Variants in SLC24A3 observed in about 807,000 individuals in gnomAD.
SLC24A3 encodes solute carrier family 24 member 3.
A neutral mutation model predicts 75.8 loss-of-function variants in SLC24A3; 28 were observed. The observed-to-expected ratio is 0.37, with a 90% confidence interval of 0.27 to 0.51. The LOEUF (loss-of-function observed/expected upper bound fraction) is 0.51. Among genes scored for constraint, SLC24A3 ranks in the 20% least tolerant of loss-of-function variants. The pLI is 0.94. For missense variants in SLC24A3, 663 were observed against 847.8 expected, an observed-to-expected ratio of 0.78 and a Z score of 2.71; for synonymous variants, 372 against 334.1, an observed-to-expected ratio of 1.11 and a Z score of -1.24.
intron 1 of SLC24A3, among the ~76,000 whole-genome samples, chr20:19,235,538 G>A (rs1260394263): frequency 2.0e-5 from 3 of 152,110 alleles, no homozygotes; most frequent in East Asian, 3.8e-4. Flanking sequence ...GGGAAGCTGG[G>A]TCTCTGTACT....
chr20:19,314,910 G>A lies in SLC24A3; in HGVS notation c.271+33823G>A, dbSNP rs6035294. 8.6e-3 allele frequency among the ~76,000 whole-genome samples: 1,315 copies of A among 152,316 alleles called. 11 individuals carry two copies. The highest frequency in any genetic ancestry group is 0.029 in the African/African-American group (1,191 of 41,554). ...GTGATTTACACATGGTGTCTGCAATGCACAGAATTGCAGTATCACCCTGTC... is the reference window on the plus strand; with the variant it reads ...GTGATTTACACATGGTGTCTGCAATACACAGAATTGCAGTATCACCCTGTC... On this transcript the variant is annotated intron_variant, in intron 2 of 16. Coordinates refer to ENST00000328041, the MANE Select transcript of SLC24A3 (RefSeq NM_020689.4).
At chr20:19,618,420 T>C (rs1270960478) in intron 6 of SLC24A3, among the ~76,000 whole-genome samples, 1 of 152,206 alleles carries the variant, frequency 6.6e-6, no homozygotes, top group Non-Finnish European at 1.5e-5. Context: ...GGCTCTTCCC[T>C]CTGTGCATGT....
chr20:19,626,348 C>G (rs2031865920), intron 6 of SLC24A3, among the ~76,000 whole-genome samples: 1 of 152,166 alleles, frequency 6.6e-6, no homozygotes, highest in Non-Finnish European at 1.5e-5. Flanking sequence ...CAAGAATATT[C>G]TTATCATTTT....
intron 2 of SLC24A3, among the ~76,000 whole-genome samples, chr20:19,399,051 T>C (rs1986505982): frequency 6.6e-6 from 1 of 152,182 alleles, no homozygotes. Context: ...ATTTCATCCA[T>C]GTTGTCAAAT....
At chr20:19,698,322 G>GT (rs1169940309) in intron 14 of SLC24A3, among the ~76,000 whole-genome samples, 1 of 152,254 alleles carries the variant, frequency 6.6e-6, no homozygotes, top group East Asian at 1.9e-4. Context: ...ACTGTATTTG[G>GT]TTTTTTGAAT....
rs2032566458 is a variant in SLC24A3 at position 19,678,682 on chromosome 20, CGGA to C, written c.768-3174_768-3172del. ...CCTCCCGGACACGGCGGCTGCCGGGCGGAGACGCTCCTCACTTCCCAGACGGGG... is the reference window on the plus strand; with the variant it reads ...CCTCCCGGACACGGCGGCTGCCGGGCGACGCTCCTCACTTCCCAGACGGGG... On this transcript the variant is annotated intron_variant, in intron 9 of 16. Coordinates refer to ENST00000328041, the MANE Select transcript of SLC24A3 (RefSeq NM_020689.4). Among the ~76,000 whole-genome samples the C allele has an allele frequency of 2.9e-5, 3 of 101,942 alleles. No homozygotes were observed. The South Asian group carries it at 7.6e-4, about 26-fold the overall frequency. 66.9% of individuals were successfully genotyped at this position (101,942 alleles called of 152,430 possible).
At chr20:19,431,535 G>A (rs930734853) in intron 2 of SLC24A3, among the ~76,000 whole-genome samples, 16 of 152,036 alleles carry the variant, frequency 1.1e-4, no homozygotes, top group African/African-American at 3.9e-4. Context: ...GGTCAGTGGT[G>A]AGGTGCCTGT....
intron 2 of SLC24A3, among the ~76,000 whole-genome samples, chr20:19,357,209 G>T (rs1216634034): frequency 6.6e-6 from 1 of 152,182 alleles, no homozygotes; most frequent in African/African-American, 2.4e-5. Context: ...GATGCTGGCA[G>T]CCCCCAGAAG....
At chr20:19,231,030 T>C (rs1257652773) in intron 1 of SLC24A3, among the ~76,000 whole-genome samples, 2 of 152,236 alleles carry the variant, frequency 1.3e-5, no homozygotes, top group Non-Finnish European at 2.9e-5. Context: ...TACACCTGTT[T>C]CTATGGTTTA....
intron 6 of SLC24A3, among the ~76,000 whole-genome samples, chr20:19,616,995 A>G (rs2031744938): frequency 1.3e-5 from 2 of 152,180 alleles, no homozygotes; most frequent in African/African-American, 4.8e-5. Context: ...GCCTGTTTGT[A>G]GTGAACCAAG....
intron 1 of SLC24A3, among the ~76,000 whole-genome samples, chr20:19,251,695 A>G (rs1363022572): frequency 6.6e-6 from 1 of 152,054 alleles, no homozygotes; most frequent in Non-Finnish European, 1.5e-5. Context: ...GGTTGCTCAC[A>G]TCCCTCCACT....
At chr20:19,214,359 G>C (rs374586117) in intron 1 of SLC24A3, among the ~76,000 whole-genome samples, 1 of 152,200 alleles carries the variant, frequency 6.6e-6, no homozygotes, top group Admixed American at 6.5e-5. Context: ...TCCCAGGGCA[G>C]ATTCACATCT....
chr20:19,623,410 C>T (rs1352966814), intron 6 of SLC24A3, among the ~76,000 whole-genome samples: 1 of 152,170 alleles, frequency 6.6e-6, no homozygotes, highest in Admixed American at 6.5e-5. Flanking sequence ...ACCATCAAGG[C>T]TGTGGCTAGT....
chr20:19,284,561 A>G (rs1471759987), intron 2 of SLC24A3: 1 of 152,512 alleles, frequency 6.6e-6, no homozygotes, highest in African/African-American at 2.4e-5. Context: ...GTGAAGATTT[A>G]CACAGGGACT....
At chr20:19,422,406 G>A (rs1481533107) in intron 2 of SLC24A3, among the ~76,000 whole-genome samples, 1 of 152,238 alleles carries the variant, frequency 6.6e-6, no homozygotes, top group East Asian at 1.9e-4. Context: ...AAGCAGTTAC[G>A]GGAGTAGGGC....
chr20:19,637,248 C>G (rs1188260372), intron 6 of SLC24A3, among the ~76,000 whole-genome samples: 1 of 152,242 alleles, frequency 6.6e-6, no homozygotes, highest in African/African-American at 2.4e-5. Context: ...TTGCAGTGAG[C>G]CAAGATCGTG....
At chr20:19,573,188 C>G (rs2031080769) in intron 3 of SLC24A3, among the ~76,000 whole-genome samples, 1 of 152,210 alleles carries the variant, frequency 6.6e-6, no homozygotes, top group South Asian at 2.1e-4. Flanking sequence ...GGGTTAACGT[C>G]CTGCCATTCA....
intron 2 of SLC24A3, among the ~76,000 whole-genome samples, chr20:19,412,712 C>T (rs2122423074): frequency 6.6e-6 from 1 of 152,218 alleles, no homozygotes; most frequent in Non-Finnish European, 1.5e-5. Flanking sequence ...GTATAGGGTG[C>T]ATATTTTGGA....
In SLC24A3 at chr20:19,685,246, T is replaced by A. The variant is rs376060009; in HGVS notation, c.1209T>A (p.Val403=). ...RGVNGTRRDD[V]VAEAGNETEN... Reference sequence around the variant, plus strand: ...TGAATGGGACACGGAGGGACGATGTTGTGGCTGAGGCTGGCAACGAAACAG... The same window carrying A: ...TGAATGGGACACGGAGGGACGATGTAGTGGCTGAGGCTGGCAACGAAACAG... Residue 403 remains valine, a synonymous_variant, in exon 12 of 17, where the codon GTT becomes GTA. Transcript: ENST00000328041. 1 of 1,613,914 alleles carries A rather than the reference T, an allele frequency of 6.2e-7. No homozygotes were observed. The highest frequency in any genetic ancestry group is 8.5e-7 in the Non-Finnish European group (1 of 1,180,014).
Sources: gnomAD v4.1 joint callset for allele counts (sites outside exome capture counted in the v4.1 genomes callset) on GRCh38, gnomAD v4.1.1 for gene constraint, MANE v1.5 for transcripts, NCBI Gene and HGNC (gene_info 2026-07-23, HGNC 2026-07-21) for gene names.